Variants in TCF4 observed in about 807,000 individuals in gnomAD.
TCF4 encodes the protein SL3-3 enhancer factor 2.
A neutral mutation model predicts 82.1 loss-of-function variants in TCF4; 3 were observed. The observed-to-expected ratio is 0.04, with a 90% CI of 0.02 to 0.09. TCF4 has a LOEUF of 0.09. Ranked by LOEUF, TCF4 falls within the 10% of genes least tolerant of loss-of-function variation. TCF4 has a pLI of 1.00. For synonymous variants in TCF4, 276 were observed against 309.6 expected (o/e 0.89, Z 1.14); for missense variants, 518 against 852.7 (o/e 0.61, Z 4.89).
chr18:55,411,266 C>T (rs976341850), intron 5 of TCF4, among the ~76,000 whole-genome samples: 1 of 152,158 alleles, frequency 6.6e-6, no homozygotes, highest in African/African-American at 2.4e-5. Context: ...ACTCAACTTA[C>T]TTCTAATGAG....
upstream of TCF4, among the ~76,000 whole-genome samples, chr18:55,592,331 C>A (rs1199119079): frequency 6.6e-6 from 1 of 152,148 alleles, no homozygotes. Context: ...CAAAGTCTGA[C>A]ATCAGGGTGC....
chr18:55,525,689 A>T (rs1407760053), intron 3 of TCF4, among the ~76,000 whole-genome samples: 1 of 152,192 alleles, frequency 6.6e-6, no homozygotes, highest in Non-Finnish European at 1.5e-5. Context: ...TAGTTAGATT[A>T]ACAGTGAACC....
intron 5 of TCF4, among the ~76,000 whole-genome samples, chr18:55,437,513 T>C (rs138226851): frequency 1.8e-3 from 276 of 152,292 alleles, no homozygotes; most frequent in Non-Finnish European, 3.5e-3. Flanking sequence ...GGTAAATAAT[T>C]AGGTGCTAAG....
rs148715587 is a variant in TCF4 at position 55,293,838 on chromosome 18, T to C, written c.550-14182A>G. 1.9e-4 allele frequency among the ~76,000 whole-genome samples: 29 copies of C among 149,602 alleles called. No individual in the cohort carries two copies. In the East Asian group the frequency reaches 5.6e-3, roughly 29 times the overall value. On this transcript the variant is annotated intron_variant, in intron 8 of 19. Transcript: ENST00000354452. Reference sequence around the variant, plus strand: ...AAGTCCAAACAGGATTGTGTACTAATAGTATAATATGGAGAGGAATATGGA... The same window carrying C: ...AAGTCCAAACAGGATTGTGTACTAACAGTATAATATGGAGAGGAATATGGA...
intron 5 of TCF4, among the ~76,000 whole-genome samples, chr18:55,407,879 C>T (rs556026097): frequency 6.7e-4 from 102 of 151,996 alleles, no homozygotes; most frequent in African/African-American, 2.4e-3. Flanking sequence ...AACTGGGTGA[C>T]AATGAAAATA....
At chr18:55,452,213 A>C (rs2095637890) in intron 5 of TCF4, among the ~76,000 whole-genome samples, 1 of 152,148 alleles carries the variant, frequency 6.6e-6, no homozygotes, top group Non-Finnish European at 1.5e-5. Flanking sequence ...TTCTGGACAA[A>C]AGTTGGATCC....
chr18:55,392,733 C>A (rs578073608), intron 6 of TCF4, among the ~76,000 whole-genome samples: 1 of 151,998 alleles, frequency 6.6e-6, no homozygotes, highest in South Asian at 2.1e-4. Context: ...AGATAAGGAA[C>A]CTGCTTACTG....
At chr18:55,408,353 T>A (rs529317179) in intron 5 of TCF4, among the ~76,000 whole-genome samples, 1 of 152,286 alleles carries the variant, frequency 6.6e-6, no homozygotes, top group South Asian at 2.1e-4. Context: ...GGCATCAGAC[T>A]AGGGAACTCA....
rs1168157065 is a variant in TCF4, at chr18:55,622,881, C to CTGTGTGTG, written c.286+8409_286+8416dup. ...AGATTTAAAAACTTCTTTCTCCACT[C>CTGTGTGTG]TGTGTGTGTGTGTGTGTGTGTGTTG... On this transcript the variant is annotated intron_variant, in intron 2 of 20. Coordinates refer to the TCF4 transcript ENST00000398339. Among the ~76,000 whole-genome samples, 596 of 149,368 alleles carry CTGTGTGTG rather than the reference C, an allele frequency of 4.0e-3. 1 individual carries two copies. The highest frequency in any genetic ancestry group is 5.3e-3 in the Non-Finnish European group (357 of 67,412).
At chr18:55,478,127 G>A (rs928028789) in intron 3 of TCF4, among the ~76,000 whole-genome samples, 2 of 152,202 alleles carry the variant, frequency 1.3e-5, no homozygotes, top group Non-Finnish European at 2.9e-5. Flanking sequence ...CGGGAAAGCC[G>A]GAGCTGTCAG....
intron 8 of TCF4, among the ~76,000 whole-genome samples, chr18:55,328,039 C>G (rs1053018335): frequency 2.6e-5 from 4 of 152,070 alleles, no homozygotes; most frequent in Non-Finnish European, 5.9e-5. Flanking sequence ...ACCCTGCAAA[C>G]AAGGTAAAAT....
At position 55,362,409 on chromosome 18, in the gene TCF4, GGAAGGAAGGAAGGAAGGAAGGAAGGAAA is replaced by G. The variant is rs1569191711; in HGVS notation, c.370-11434_370-11407del. 4.9e-3 allele frequency among the ~76,000 whole-genome samples: 656 copies of G among 133,924 alleles called. 13 individuals are homozygous for G. Among genetic ancestry groups the G allele is most frequent in the Non-Finnish European group, 7.5e-3 (463 of 61,736 alleles). 87.9% of individuals were successfully genotyped at this position (133,924 alleles called of 152,430 possible). A position where few individuals can be genotyped will look rare whatever the true frequency, so the allele number is the denominator to read the frequency against. ...AGGAAGGAAAGAAGGAAGGAAGGAA[GGAAGGAAGGAAGGAAGGAAGGAAGGAAA>G]AAAAAAAAGAAGAAAACATGTATCT... is the stretch of plus-strand genomic sequence containing the variant. On this transcript the variant is annotated intron_variant, in intron 6 of 19. Coordinates refer to ENST00000354452, the MANE Select transcript of TCF4 (RefSeq NM_001083962.2).
At chr18:55,542,495 A>G (rs1012379576) in intron 3 of TCF4, among the ~76,000 whole-genome samples, 1 of 151,158 alleles carries the variant, frequency 6.6e-6, no homozygotes, top group Non-Finnish European at 1.5e-5. Flanking sequence ...CCAAGAAGAC[A>G]TGTTTCATAT....
chr18:55,452,856 T>A (rs1424476072), intron 5 of TCF4: 1 of 152,226 alleles, frequency 6.6e-6, no homozygotes, highest in Non-Finnish European at 1.5e-5. Context: ...TCCATCTTCC[T>A]CTTTACAGTA....
intron 3 of TCF4, among the ~76,000 whole-genome samples, chr18:55,510,326 T>C (rs965459649): frequency 1.3e-5 from 2 of 152,008 alleles, no homozygotes; most frequent in Admixed American, 6.6e-5. Context: ...TTGGTAGAGA[T>C]AGCAAAAAAA....
intron 8 of TCF4, among the ~76,000 whole-genome samples, chr18:55,307,647 T>C (rs1356259385): frequency 6.6e-6 from 1 of 152,178 alleles, no homozygotes; most frequent in Non-Finnish European, 1.5e-5. Flanking sequence ...TTAATGCAAA[T>C]TGGAATTTCT....
chr18:55,430,939 T>C (rs754241110), intron 5 of TCF4, among the ~76,000 whole-genome samples: 1 of 152,190 alleles, frequency 6.6e-6, no homozygotes, highest in Admixed American at 6.5e-5. Flanking sequence ...AACCACACTT[T>C]GATAATCACT....
upstream of TCF4, among the ~76,000 whole-genome samples, chr18:55,591,504 CTTTT>C (rs1568478187): frequency 6.6e-6 from 1 of 152,202 alleles, no homozygotes; most frequent in South Asian, 2.1e-4. Flanking sequence ...CGCTGAATTT[CTTTT>C]TTTGTTTGTT....
upstream of TCF4, among the ~76,000 whole-genome samples, chr18:55,591,913 T>C (rs1190510399): frequency 6.6e-6 from 1 of 152,242 alleles, no homozygotes; most frequent in African/African-American, 2.4e-5. Context: ...CTAGTCTCGT[T>C]GCTTCTTCGT....
Sources: allele counts gnomAD v4.1 joint callset (sites outside exome capture counted in the v4.1 genomes callset), GRCh38; gene constraint gnomAD v4.1.1; transcripts MANE v1.5; gene names NCBI Gene and HGNC (gene_info 2026-07-23, HGNC 2026-07-21).